Variants in COL26A1 observed in about 807,000 individuals in gnomAD.
The protein encoded by COL26A1 is collagen type XXVI alpha 1 chain, also known as collagen alpha-1(XXVI) chain.
A neutral mutation model predicts 59.3 loss-of-function variants in COL26A1; 41 were observed. The observed-to-expected ratio is 0.69, with a 90% confidence interval of 0.54 to 0.90. The LOEUF is 0.90. Ranked by LOEUF, COL26A1 falls within the 40% of genes least tolerant of loss-of-function variation. The pLI, the probability that COL26A1 is intolerant of heterozygous loss-of-function variation, is 0.00. For missense variants in COL26A1, 612 were observed against 602.3 expected (o/e 1.02, Z -0.17); for synonymous variants, 266 against 256.0 (o/e 1.04, Z -0.37).
intron 1 of COL26A1, among the ~76,000 whole-genome samples, chr7:101,367,441 GA>G: frequency 6.6e-6 from 1 of 152,106 alleles, no homozygotes; most frequent in Non-Finnish European, 1.5e-5. Context: ...CAGGTGGGTG[GA>G]TCACCTGAGG....
chr7:101,467,236 A>C (rs1284930472), intron 3 of COL26A1, among the ~76,000 whole-genome samples: 1 of 151,928 alleles, frequency 6.6e-6, no homozygotes, highest in Non-Finnish European at 1.5e-5. Context: ...ATGGACCCAC[A>C]AGAAGTGAGT....
intron 3 of COL26A1, among the ~76,000 whole-genome samples, chr7:101,506,702 C>T (rs1454084129): frequency 2.0e-5 from 3 of 152,342 alleles, no homozygotes; most frequent in African/African-American, 4.8e-5. Context: ...GTGGGCACCA[C>T]GGTCCCTAAG....
At chr7:101,553,445 T>G (rs1584510048) in intron 11 of COL26A1, 69 bp downstream of exon 11, 2 of 1,502,764 alleles carry the variant, frequency 1.3e-6, no homozygotes, top group Admixed American at 1.7e-5. Context: ...GGAGGGCAGG[T>G]GCCCCACAGA....
intron 3 of COL26A1, among the ~76,000 whole-genome samples, chr7:101,471,893 A>C (rs1793915087): frequency 1.3e-5 from 2 of 151,446 alleles, no homozygotes; most frequent in African/African-American, 4.9e-5. Flanking sequence ...ATAAGGTCTT[A>C]CATGCTTTAT....
At chr7:101,428,645 G>A (rs1792703913) in intron 2 of COL26A1, among the ~76,000 whole-genome samples, 1 of 151,938 alleles carries the variant, frequency 6.6e-6, no homozygotes, top group Non-Finnish European at 1.5e-5. Context: ...CAAGGTTGTG[G>A]TTTTTGCAGT....
chr7:101,379,668 TAGG>T (rs781580287), intron 1 of COL26A1, among the ~76,000 whole-genome samples: 22 of 152,080 alleles, frequency 1.4e-4, no homozygotes, highest in African/African-American at 4.1e-4. Flanking sequence ...CAGGGCGAGA[TAGG>T]AGGTCAGCAC....
At position 101,555,771 on chromosome 7, in the gene COL26A1, G is replaced by C. The variant is rs1330851377; in HGVS notation, c.1081-16G>C. The C allele has an allele frequency of 1.2e-6, 2 of 1,600,276 alleles. No homozygotes were observed. The highest frequency in any genetic ancestry group is 2.3e-5 in the South Asian group (2 of 88,094). On this transcript the variant is annotated splice_polypyrimidine_tract_variant and intron_variant, in intron 11 of 12. Transcript: ENST00000313669. ...CTCATGGCCGGCCCTGACCCTGCCTGTTTCCTCCCCGCCAGGGCGAGGGGG... is the reference window on the plus strand; with the variant it reads ...CTCATGGCCGGCCCTGACCCTGCCTCTTTCCTCCCCGCCAGGGCGAGGGGG...
intron 3 of COL26A1, among the ~76,000 whole-genome samples, chr7:101,461,756 G>A (rs1446875458): frequency 6.6e-6 from 1 of 152,164 alleles, no homozygotes; most frequent in African/African-American, 2.4e-5. Flanking sequence ...CTGGGAGAAG[G>A]GAAGGGCTTT....
At chr7:101,469,821 A>G (rs1584435757) in intron 3 of COL26A1, among the ~76,000 whole-genome samples, 1 of 152,052 alleles carries the variant, frequency 6.6e-6, no homozygotes, top group Admixed American at 6.6e-5. Context: ...ATGTTTGGTA[A>G]TTCGCTAGAA....
At chr7:101,493,023 G>T (rs1311511213) in intron 3 of COL26A1, among the ~76,000 whole-genome samples, 1 of 152,120 alleles carries the variant, frequency 6.6e-6, no homozygotes, top group African/African-American at 2.4e-5. Flanking sequence ...ACCACACCTG[G>T]CCCATTGTCA....
At chr7:101,438,133 G>A (rs528904138) in intron 2 of COL26A1, among the ~76,000 whole-genome samples, 39 of 151,544 alleles carry the variant, frequency 2.6e-4, no homozygotes, top group African/African-American at 8.7e-4. Flanking sequence ...AAGCCGAGGC[G>A]GGCGGATCAC....
chr7:101,427,203 T>C (rs1328146725), intron 2 of COL26A1, among the ~76,000 whole-genome samples: 2 of 152,230 alleles, frequency 1.3e-5, no homozygotes, highest in African/African-American at 4.8e-5. Context: ...CCATGATGGA[T>C]GGATGCCATA....
intron 12 of COL26A1, among the ~76,000 whole-genome samples, chr7:101,557,015 GGATGGATGGA>G (rs1486299178): frequency 1.9e-5 from 1 of 52,622 alleles, no homozygotes; most frequent in Non-Finnish European, 5.2e-5. Flanking sequence ...ATGGATGGAT[GGATGGATGGA>G]TGGATGGATG....
chr7:101,531,445 G>C (rs561833302), intron 3 of COL26A1, among the ~76,000 whole-genome samples: 57 of 152,314 alleles, frequency 3.7e-4, no homozygotes, highest in African/African-American at 1.3e-3. Flanking sequence ...TGAATGTTCA[G>C]TGTTTATACC....
chr7:101,541,041 C>T (rs552508743), intron 5 of COL26A1, among the ~76,000 whole-genome samples: 4 of 152,310 alleles, frequency 2.6e-5, no homozygotes, highest in South Asian at 4.1e-4. Flanking sequence ...CTCATGGAAA[C>T]AACCAGCTAC....
At chr7:101,556,989 ATGGG>A (rs1415278731) in intron 12 of COL26A1, among the ~76,000 whole-genome samples, 2 of 140,314 alleles carry the variant, frequency 1.4e-5, no homozygotes, top group African/African-American at 2.7e-5. Flanking sequence ...GAGTGGATGG[ATGGG>A]TGGATGGATG....
intron 3 of COL26A1, among the ~76,000 whole-genome samples, chr7:101,489,790 CTTT>C (rs1563007916): frequency 0.013 from 28 of 2,104 alleles, 6 homozygotes; most frequent in Non-Finnish European, 0.027. Context: ...TTCTTTCTTT[CTTT>C]CTTTCTTTCT....
chr7:101,370,859 T>A (rs907059406), intron 1 of COL26A1, among the ~76,000 whole-genome samples: 6 of 152,182 alleles, frequency 3.9e-5, no homozygotes, highest in Non-Finnish European at 8.8e-5. Context: ...CTCTCTGGAT[T>A]TACCTCCCAG....
At chr7:101,541,593 C>T (rs1279531710) in intron 5 of COL26A1, among the ~76,000 whole-genome samples, 2 of 151,666 alleles carry the variant, frequency 1.3e-5, no homozygotes, top group African/African-American at 4.9e-5. Context: ...TTAAGCAATC[C>T]TCATGCCTCG....
Sources: allele counts gnomAD v4.1 joint callset (sites outside exome capture counted in the v4.1 genomes callset), GRCh38; gene constraint gnomAD v4.1.1; transcripts MANE v1.5; gene names NCBI Gene and HGNC (gene_info 2026-07-23, HGNC 2026-07-21).